CAAP1: variants seen among roughly 807,000 people sequenced by gnomAD.
The protein encoded by CAAP1 is conserved anti-apoptotic protein.
In CAAP1, 20 loss-of-function variants were observed where a neutral mutation model predicts 34.0. That is an observed-to-expected ratio of 0.59 (90% confidence interval 0.41 to 0.86). CAAP1 has a LOEUF of 0.86. Among genes scored for constraint, CAAP1 ranks in the 40% least tolerant of loss-of-function variants. CAAP1 has a pLI of 0.00. For synonymous variants in CAAP1, 213 were observed against 166.7 expected (o/e 1.28, Z -2.14); for missense variants, 538 against 450.5 (o/e 1.19, Z -1.76).
At chr9:26,872,553 A>AATATATATAT (rs145299717) in intron 4 of CAAP1, among the ~76,000 whole-genome samples, 10 of 142,562 alleles carry the variant, frequency 7.0e-5, no homozygotes, top group South Asian at 2.2e-4. Flanking sequence ...ATATACATAT[A>AATATATATAT]ATATATATAT....
chr9:26,847,701 T>G (rs1822650463), intron 5 of CAAP1, among the ~76,000 whole-genome samples: 1 of 152,128 alleles, frequency 6.6e-6, no homozygotes, highest in Admixed American at 6.5e-5. Context: ...CCTTTTTTTG[T>G]AGTTTTCCTG....
At chr9:26,870,391 T>C (rs1458275956) in intron 4 of CAAP1, among the ~76,000 whole-genome samples, 1 of 151,882 alleles carries the variant, frequency 6.6e-6, no homozygotes, top group Non-Finnish European at 1.5e-5. Flanking sequence ...TTTTGTAGGT[T>C]AAAATTTCTC....
At chr9:26,851,548 A>T (rs558792410) in intron 5 of CAAP1, among the ~76,000 whole-genome samples, 1 of 152,204 alleles carries the variant, frequency 6.6e-6, no homozygotes, top group East Asian at 1.9e-4. Context: ...AGATAAGTGG[A>T]TATTTTTGGT....
At chr9:26,870,587 C>CGT (rs10598264) in intron 4 of CAAP1, among the ~76,000 whole-genome samples, 6,544 of 135,204 alleles carry the variant, frequency 0.048, 323 homozygotes, top group African/African-American at 0.12. Context: ...CACATATATA[C>CGT]GTGTGTGTGT....
intron 4 of CAAP1, among the ~76,000 whole-genome samples, chr9:26,876,862 T>G (rs936454352): frequency 6.6e-6 from 1 of 152,148 alleles, no homozygotes. Context: ...TACTTTAATT[T>G]TATACAATTG....
At chr9:26,878,138 T>TA (rs1412150190) in intron 4 of CAAP1, among the ~76,000 whole-genome samples, 3 of 152,214 alleles carry the variant, frequency 2.0e-5, no homozygotes, top group African/African-American at 7.2e-5. Flanking sequence ...GAATTTAGTT[T>TA]AAAAAATCAT....
Position 26,842,540 on chromosome 9 carries a change from T to C in CAAP1, c.847A>G (p.Thr283Ala), listed in dbSNP as rs1312681432. ...EAAAPEAPEN[T>A]VQSEAGQIDD... ...ATCTGACCAGCTTCACTTTGGACTG[T>C]ATTTTCTGGTGCCTCGGGAGCAGCT... The change falls in exon 6 of 6, where the codon ACA becomes GCA. Residue 283 changes from threonine (T) to alanine (A), a missense_variant. Thr to Ala is a moderately conservative substitution (Grantham distance 58). This residue lies in a region of CAAP1 where 514 missense variants were observed against 408.4 expected (regional missense o/e 1.26). Coordinates refer to ENST00000333916, the MANE Select transcript of CAAP1 (RefSeq NM_024828.4). 2 of 1,614,194 alleles carry C rather than the reference T, an allele frequency of 1.2e-6. No individual in the cohort carries two copies. The highest frequency in any genetic ancestry group is 2.2e-5 in the East Asian group (1 of 44,876).
chr9:26,881,807 T>C (rs1203083103), intron 4 of CAAP1, among the ~76,000 whole-genome samples: 1 of 151,962 alleles, frequency 6.6e-6, no homozygotes, highest in Non-Finnish European at 1.5e-5. Flanking sequence ...GACAGGAAAA[T>C]GTGGGAAAGT....
chr9:26,874,173 C>G (rs1232712110), intron 4 of CAAP1, among the ~76,000 whole-genome samples: 4 of 132,430 alleles, frequency 3.0e-5, no homozygotes, highest in Non-Finnish European at 6.1e-5. Flanking sequence ...CACCACTGCA[C>G]TCAAGCCTGG....
At chr9:26,875,315 G>A (rs1823400866) in intron 4 of CAAP1, among the ~76,000 whole-genome samples, 1 of 152,032 alleles carries the variant, frequency 6.6e-6, no homozygotes, top group Admixed American at 6.5e-5. Flanking sequence ...GAATCTGGGA[G>A]GTGGAGGCTG....
intron 5 of CAAP1, among the ~76,000 whole-genome samples, chr9:26,850,307 A>T (rs965989552): frequency 2.6e-5 from 4 of 152,102 alleles, no homozygotes; most frequent in African/African-American, 7.2e-5. Flanking sequence ...ACACACAAAC[A>T]CACAAGTACG....
chr9:26,848,666 G>C (rs946795532), intron 5 of CAAP1, among the ~76,000 whole-genome samples: 1 of 152,180 alleles, frequency 6.6e-6, no homozygotes, highest in African/African-American at 2.4e-5. Context: ...GTTTGTTATA[G>C]ATGATAATAA....
Position 26,858,996 on chromosome 9 carries a change from C to CAAA in CAAP1, c.739+2067_739+2069dup, listed in dbSNP as rs397790530. Among the ~76,000 whole-genome samples the CAAA allele has an allele frequency of 1.5e-4, 10 of 65,470 alleles. 1 individual carries two copies. Among genetic ancestry groups the CAAA allele is most frequent in the East Asian group, 1.4e-3 (4 of 2,824 alleles). 43.0% of individuals were successfully genotyped at this position (65,470 alleles called of 152,430 possible). On this transcript the variant is annotated intron_variant, in intron 5 of 5. Transcript: ENST00000333916. ...TGGGCAATAGAGCGAGAGACTGTCT[C>CAAA]AAAAAAAAAAAAAAAAAAAAGGTTA...
At chr9:26,854,920 G>C (rs1238012153) in intron 5 of CAAP1, among the ~76,000 whole-genome samples, 14 of 152,160 alleles carry the variant, frequency 9.2e-5, no homozygotes, top group Admixed American at 9.2e-4. Context: ...GGAGCAATGG[G>C]AACTCTCATT....
chr9:26,891,824 C>T (rs755417516), intron 1 of CAAP1, among the ~76,000 whole-genome samples: 1 of 152,166 alleles, frequency 6.6e-6, no homozygotes, highest in Non-Finnish European at 1.5e-5. Flanking sequence ...CCCTTTATTT[C>T]CTCATTGAAT....
At chr9:26,884,002 C>T (rs1173509868) in intron 4 of CAAP1, among the ~76,000 whole-genome samples, 1 of 152,192 alleles carries the variant, frequency 6.6e-6, no homozygotes, top group Non-Finnish European at 1.5e-5. Flanking sequence ...ATGTACTTCT[C>T]TATGCTACTG....
chr9:26,855,207 T>C (rs759239439), intron 5 of CAAP1, among the ~76,000 whole-genome samples: 6 of 152,174 alleles, frequency 3.9e-5, no homozygotes, highest in Non-Finnish European at 7.3e-5. Flanking sequence ...CTTCAAATAC[T>C]GAGTGACAGA....
At chr9:26,877,013 G>A (rs779315408) in intron 4 of CAAP1, among the ~76,000 whole-genome samples, 20 of 152,128 alleles carry the variant, frequency 1.3e-4, no homozygotes, top group Non-Finnish European at 2.6e-4. Context: ...AGTAAGCCAG[G>A]GATGGTAACA....
chr9:26,872,367 A>T (rs1823299165), intron 4 of CAAP1, among the ~76,000 whole-genome samples: 1 of 152,134 alleles, frequency 6.6e-6, no homozygotes, highest in Non-Finnish European at 1.5e-5. Flanking sequence ...ACTAAAATCT[A>T]GTATAACTAG....
Sources: allele counts gnomAD v4.1 joint callset (sites outside exome capture counted in the v4.1 genomes callset), GRCh38; gene constraint gnomAD v4.1.1; regional missense constraint gnomAD v4.1.1; transcripts MANE v1.5; gene names NCBI Gene and HGNC (gene_info 2026-07-23, HGNC 2026-07-21).